The following PTPRH variants were observed in gnomAD, a reference collection of about 807,000 sequenced individuals.
PTPRH encodes the protein receptor-type tyrosine-protein phosphatase H.
Under a neutral mutation model 130.2 loss-of-function variants are expected in PTPRH, and 113 were observed. The observed-to-expected ratio is 0.87, with a 90% CI of 0.75 to 1.01. PTPRH has a LOEUF of 1.01. Among genes scored for constraint, PTPRH ranks in the 50% least tolerant of loss-of-function variants. The pLI is 0.00. For synonymous variants in PTPRH, 556 were observed against 577.9 expected (o/e 0.96, Z 0.54); for missense variants, 1,430 against 1,425.0 (o/e 1.00, Z -0.06).
rs759025552 is a variant in PTPRH at position 55,206,714 on chromosome 19, A to C, written c.327T>G (p.Ser109=). The C allele has an allele frequency of 3.1e-6, 5 of 1,609,178 alleles. No homozygotes were observed. In the East Asian group the frequency reaches 6.7e-5, roughly 22 times the overall value. Residue 109 remains serine, a synonymous_variant, in exon 3 of 20, where the codon TCT becomes TCG. Coordinates refer to ENST00000376350, the MANE Select transcript of PTPRH (RefSeq NM_002842.5). ...CTGTGGCAGTAGTGACAGTCCCCAC[A>C]GAGCTATTTACTCCGTCTTTCTCCA... ...VWVEKDGVNS[S]VGTVTTATAP... is the part of the protein sequence containing the mutation.
At chr19:55,187,774 T>C (rs1283231755) in intron 13 of PTPRH, among the ~76,000 whole-genome samples, 171 bp from the exon 14 acceptor site, 1 of 151,816 alleles carries the variant, frequency 6.6e-6, no homozygotes, top group Non-Finnish European at 1.5e-5. Context: ...ACCTGCCCTG[T>C]GGGGCACTGG....
At chr19:55,194,413 TC>T in intron 10 of PTPRH, 1 of 1,073,734 alleles carries the variant, frequency 9.3e-7, no homozygotes, top group Non-Finnish European at 1.2e-6. Context: ...ACCTGTTCTC[TC>T]AGGGATCCTT....
Position 55,206,611 on chromosome 19 carries a change from G to A in PTPRH, c.352+78C>T, listed in dbSNP as rs147662374. The A allele has an allele frequency of 0.015, 21,114 of 1,365,554 alleles. 238 individuals carry two copies. The highest frequency in any genetic ancestry group is 0.056 in the African/African-American group (3,846 of 69,008). 84.6% of individuals were successfully genotyped at this position (1,365,554 alleles called of 1,614,324 possible). A position where few individuals can be genotyped will look rare whatever the true frequency, so the allele number is the denominator to read the frequency against. On this transcript the variant is annotated intron_variant, in intron 3 of 19. Coordinates refer to ENST00000376350, the MANE Select transcript of PTPRH (RefSeq NM_002842.5). ...TTTCTATCCAACTAAAGAACCTGTC[G>A]CATTTTGTCAGCTCTCAACCACCCC...
At chr19:55,195,747 A>T (rs903726148) in intron 10 of PTPRH, among the ~76,000 whole-genome samples, 3 of 152,074 alleles carry the variant, frequency 2.0e-5, no homozygotes, top group Admixed American at 2.0e-4. Context: ...CTAATTTTTT[A>T]AAATGTAGAG....
intron 10 of PTPRH, among the ~76,000 whole-genome samples, chr19:55,194,781 A>G (rs2086637495): frequency 6.6e-6 from 1 of 152,216 alleles, no homozygotes; most frequent in African/African-American, 2.4e-5. Flanking sequence ...AAGAGAAATA[A>G]AAACATACGT....
At chr19:55,204,384 C>T (rs1039156449) in intron 4 of PTPRH, among the ~76,000 whole-genome samples, 12 of 152,174 alleles carry the variant, frequency 7.9e-5, no homozygotes, top group African/African-American at 2.4e-4. Flanking sequence ...GGACTACAGG[C>T]GTGAGGCAAC....
At chr19:55,188,405 C>T (rs2086430122) in intron 12 of PTPRH, among the ~76,000 whole-genome samples, 2 of 151,836 alleles carry the variant, frequency 1.3e-5, no homozygotes, top group South Asian at 2.1e-4. Context: ...CCCAACTACT[C>T]GGGAGGCTGA....
chr19:55,195,197 C>T lies in PTPRH; in HGVS notation c.2257+1325G>A, dbSNP rs145562704. Reference sequence around the variant, plus strand: ...AAAGTTAGCTGGGCGTGGTAGGAGGCGCCTATAATCCCAGCTACTCAGGAG... The same window carrying T: ...AAAGTTAGCTGGGCGTGGTAGGAGGTGCCTATAATCCCAGCTACTCAGGAG... On this transcript the variant is annotated intron_variant, in intron 10 of 19. Transcript: ENST00000376350. Among the ~76,000 whole-genome samples the T allele has an allele frequency of 2.7e-3, 414 of 152,188 alleles. 1 individual carries two copies. Among genetic ancestry groups the T allele is most frequent in the Middle Eastern group, 0.014 (4 of 294 alleles).
intron 10 of PTPRH, among the ~76,000 whole-genome samples, chr19:55,192,252 A>C (rs939210259): frequency 2.6e-5 from 4 of 151,894 alleles, no homozygotes; most frequent in African/African-American, 9.7e-5. Context: ...AATACAAAAA[A>C]TTAGCAGGGC....
At chr19:55,202,852 A>G (rs934386436) in intron 5 of PTPRH, among the ~76,000 whole-genome samples, 1 of 152,006 alleles carries the variant, frequency 6.6e-6, no homozygotes, top group Non-Finnish European at 1.5e-5. Flanking sequence ...CAGCCTGGCC[A>G]ACATGGCGAA....
chr19:55,194,150 G>C (rs2086620873), intron 10 of PTPRH: 5 of 1,288,118 alleles, frequency 3.9e-6, no homozygotes, highest in South Asian at 2.5e-5. Flanking sequence ...GCGCCTGGCT[G>C]ATCTGGTGGT....
chr19:55,200,968 A>G (rs1449053498), intron 6 of PTPRH, among the ~76,000 whole-genome samples: 1 of 151,382 alleles, frequency 6.6e-6, no homozygotes, highest in African/African-American at 2.4e-5. Context: ...AACAAACAAA[A>G]AAAACAAAAT....
intron 8 of PTPRH, 38 bp from the exon 9 acceptor site, chr19:55,197,454 G>A (rs753203926): frequency 1.5e-5 from 24 of 1,571,542 alleles, no homozygotes; most frequent in South Asian, 8.0e-5. Context: ...GGGTATCCTC[G>A]AAGACCCTCC....
At chr19:55,187,914 T>C (rs2086409236) in intron 13 of PTPRH, among the ~76,000 whole-genome samples, 164 bp downstream of exon 13, 1 of 150,354 alleles carries the variant, frequency 6.7e-6, no homozygotes, top group Admixed American at 6.7e-5. Flanking sequence ...AAGATTTCAG[T>C]GAGTGGAAAG....
intron 18 of PTPRH, among the ~76,000 whole-genome samples, chr19:55,185,090 G>A (rs2086280472): frequency 6.6e-6 from 1 of 151,716 alleles, no homozygotes; most frequent in Admixed American, 6.6e-5. Flanking sequence ...TGCCTCCCGG[G>A]TTCAAGTGAT....
intron 9 of PTPRH, 150 bp downstream of exon 9, chr19:55,196,967 C>T: frequency 8.5e-7 from 1 of 1,181,524 alleles, no homozygotes; most frequent in Non-Finnish European, 1.2e-6. Flanking sequence ...TAAACTACAA[C>T]TCCCATGAGG....
At chr19:55,195,276 G>A (rs529601044) in intron 10 of PTPRH, among the ~76,000 whole-genome samples, 1 of 152,256 alleles carries the variant, frequency 6.6e-6, no homozygotes, top group African/African-American at 2.4e-5. Context: ...AGTGAGCCGA[G>A]ATTGCACCAC....
rs759608914 is a variant in PTPRH, at chr19:55,185,896, T to TC, written c.2866dup (p.Glu956GlyfsTer111). 3.1e-6 allele frequency: 5 copies of TC among 1,614,148 alleles called. No individual in the cohort carries two copies. In the East Asian group the frequency reaches 8.9e-5, roughly 29 times the overall value. The stretch of plus-strand genomic sequence containing the variant: ...CAGCAGTTCCCGCACCGTCCAGTTC[T>TC]CCATCACTTCCTCACCTACCAGGGT... On this transcript the variant is annotated frameshift_variant, in exon 17 of 20. Coordinates refer to ENST00000376350, the MANE Select transcript of PTPRH (RefSeq NM_002842.5).
In PTPRH at chr19:55,197,309, C is replaced by T. The variant is rs145420585; in HGVS notation, c.1798G>A (p.Val600Ile). ...GGATGTCCCTTGCTGGCCCACTGGACCCAGTATACGTACAACTGAGAGTGG... is the reference window on the plus strand; with the variant it reads ...GGATGTCCCTTGCTGGCCCACTGGATCCAGTATACGTACAACTGAGAGTGG... ...DPHSQLYVYWVQWASKGHPRR... is the reference protein window; with the variant it reads ...DPHSQLYVYWIQWASKGHPRR... The change falls in exon 9 of 20, where the codon GTC becomes ATC. Residue 600 changes from valine to isoleucine, a missense_variant. By Grantham distance (29) the Val-to-Ile change is conservative. Transcript: ENST00000376350. The T allele has an allele frequency of 1.4e-5, 23 of 1,614,246 alleles. No homozygotes were observed. Among genetic ancestry groups the T allele is most frequent in the Middle Eastern group, 3.3e-4 (2 of 6,062 alleles).
Sources: gnomAD v4.1 joint callset for allele counts (sites outside exome capture counted in the v4.1 genomes callset) on GRCh38, gnomAD v4.1.1 for gene constraint, MANE v1.5 for transcripts, NCBI Gene and HGNC (gene_info 2026-07-23, HGNC 2026-07-21) for gene names.